KLHL10: variants seen among roughly 807,000 people sequenced by gnomAD.
KLHL10 encodes the protein kelch-like protein 10.
Under a neutral mutation model 46.6 loss-of-function variants are expected in KLHL10, and 11 were observed. The observed-to-expected ratio is 0.24, with a 90% CI of 0.15 to 0.39. The LOEUF (loss-of-function observed/expected upper bound fraction) is 0.39. Ranked by LOEUF, KLHL10 falls within the 10% of genes least tolerant of loss-of-function variation. The pLI, the probability that KLHL10 is intolerant of heterozygous loss-of-function variation, is 1.00. For missense variants in KLHL10, 475 were observed against 789.8 expected (o/e 0.60, Z 4.78); for synonymous variants, 254 against 279.1 (o/e 0.91, Z 0.90).
upstream of KLHL10, chr17:41,836,208 G>A: frequency 1.6e-6 from 2 of 1,243,068 alleles, no homozygotes; most frequent in Non-Finnish European, 2.0e-6. Context: ...TTCGAGGCCT[G>A]GTCGGCGGCT....
intron 2 of KLHL10, among the ~76,000 whole-genome samples, chr17:41,844,462 C>T (rs937369258): frequency 6.6e-6 from 1 of 151,696 alleles, no homozygotes; most frequent in Non-Finnish European, 1.5e-5. Context: ...AAATGCCTGA[C>T]CTCAAGTGAT....
intron 2 of KLHL10, among the ~76,000 whole-genome samples, chr17:41,843,124 T>C (rs1346016853): frequency 7.7e-6 from 1 of 130,628 alleles, no homozygotes; most frequent in Non-Finnish European, 1.6e-5. Flanking sequence ...AGACCCTGTC[T>C]CAAAAAAAAA....
Position 41,847,917 on chromosome 17 carries a change from C to T in KLHL10, c.1453-16C>T. 1 of 1,613,718 alleles carries T rather than the reference C, an allele frequency of 6.2e-7. No individual in the cohort carries two copies. Reference sequence around the variant, plus strand: ...CAATGGTTAGCAGTCAACCGTGTTTCTTTTGCTATCCACAGGTAGGTGGCT... The same window carrying T: ...CAATGGTTAGCAGTCAACCGTGTTTTTTTTGCTATCCACAGGTAGGTGGCT... On this transcript the variant is annotated splice_polypyrimidine_tract_variant and intron_variant, in intron 4 of 4. Transcript: ENST00000293303.
chr17:41,836,276 C>A, upstream of KLHL10: 1 of 1,136,006 alleles, frequency 8.8e-7, no homozygotes, highest in Non-Finnish European at 1.1e-6. Context: ...CCGCCTGGAG[C>A]CCGGGCGGGG....
intron 1 of KLHL10, among the ~76,000 whole-genome samples, chr17:41,840,501 C>A (rs565219254): frequency 6.6e-6 from 1 of 151,804 alleles, no homozygotes; most frequent in Non-Finnish European, 1.5e-5. Context: ...TACAAAAAGC[C>A]GGGCATGGTG....
At chr17:41,846,239 C>T (rs1446736708) in intron 3 of KLHL10, among the ~76,000 whole-genome samples, 1 of 150,174 alleles carries the variant, frequency 6.7e-6, no homozygotes, top group African/African-American at 2.5e-5. Flanking sequence ...AAAAGTAATG[C>T]AGGCTGGGCT....
chr17:41,844,948 G>A (rs1555621134), intron 2 of KLHL10, among the ~76,000 whole-genome samples, 178 bp from the exon 3 acceptor site: 1 of 152,194 alleles, frequency 6.6e-6, no homozygotes, highest in Non-Finnish European at 1.5e-5. Context: ...GCCTCCCAAA[G>A]TGCTGGGATT....
intron 4 of KLHL10, 150 bp from the exon 5 acceptor site, chr17:41,847,783 G>C (rs543582425): frequency 1.7e-4 from 172 of 1,024,996 alleles, no homozygotes; most frequent in Admixed American, 1.1e-3. Context: ...GGGATTACAG[G>C]CGTGAGCCAC....
upstream of KLHL10, chr17:41,835,973 A>T (rs1360792264): frequency 1.3e-5 from 21 of 1,565,904 alleles, no homozygotes; most frequent in Non-Finnish European, 1.8e-5. Flanking sequence ...CCGAGACCCG[A>T]GAGAACCACT....
chr17:41,837,890 G>T lies in KLHL10; in HGVS notation c.-43G>T. The T allele has an allele frequency of 6.2e-7, 1 of 1,611,272 alleles. No individual in the cohort carries two copies. The highest frequency in any genetic ancestry group is 1.1e-5 in the South Asian group (1 of 90,902). On this transcript the variant is annotated 5_prime_UTR_variant, in exon 1 of 5. Transcript: ENST00000293303. ...AAAGGGGCCCCCCACAACCCTCCCC[G>T]ACACCCTAGGAAAGCAGCCTCTCTC...
intron 1 of KLHL10, among the ~76,000 whole-genome samples, chr17:41,838,644 TTG>T (rs1555620441): frequency 1.0e-5 from 1 of 96,990 alleles, no homozygotes; most frequent in Non-Finnish European, 2.1e-5. Context: ...TTTTTTTTTT[TTG>T]TTTGTTTTGT....
intron 3 of KLHL10, among the ~76,000 whole-genome samples, chr17:41,846,639 G>C (rs1314900604): frequency 2.6e-5 from 4 of 152,024 alleles, no homozygotes; most frequent in East Asian, 1.9e-4. Flanking sequence ...TTGAGGTCAG[G>C]AGTTTGAGAC....
rs1555620293 is a variant in KLHL10 at position 41,837,837 on chromosome 17, T to C, written c.-96T>C. On this transcript the variant is annotated 5_prime_UTR_variant, in exon 1 of 5. An upstream open reading frame in the 5' UTR loses its in-frame stop. Coordinates refer to ENST00000293303, the MANE Select transcript of KLHL10 (RefSeq NM_152467.5). The stretch of plus-strand genomic sequence containing the variant: ...CCTGATAGACCCTATACAAAAGATG[T>C]AGTAGGGAAAAGGAGCGACAGCTGG... The C allele has an allele frequency of 3.8e-6, 6 of 1,590,760 alleles. No individual in the cohort carries two copies. Among genetic ancestry groups the C allele is most frequent in the Non-Finnish European group, 3.4e-6 (4 of 1,174,464 alleles).
intron 2 of KLHL10, among the ~76,000 whole-genome samples, chr17:41,844,327 T>C (rs1597938059): frequency 6.9e-6 from 1 of 145,802 alleles, no homozygotes. Flanking sequence ...ACCTCCCCAG[T>C]TCAAGCGAGT....
intron 1 of KLHL10, among the ~76,000 whole-genome samples, chr17:41,838,392 G>A (rs775831119): frequency 5.9e-5 from 9 of 152,110 alleles, no homozygotes; most frequent in Non-Finnish European, 1.3e-4. Context: ...CTCCCAAGTA[G>A]CTAGGTCTAC....
intron 4 of KLHL10, among the ~76,000 whole-genome samples, chr17:41,847,646 C>T (rs1314313023): frequency 6.6e-6 from 1 of 152,064 alleles, no homozygotes; most frequent in Non-Finnish European, 1.5e-5. Flanking sequence ...GCTGGGACTA[C>T]CGGCACCCGC....
At chr17:41,835,892 G>A (rs368420971), upstream of KLHL10, 260 of 1,608,794 alleles carry the variant, frequency 1.6e-4, no homozygotes, top group Non-Finnish European at 2.1e-4. Flanking sequence ...TGCGGAGGGC[G>A]CCCACGATCT....
upstream of KLHL10, chr17:41,837,692 C>A: frequency 2.5e-6 from 3 of 1,219,634 alleles, no homozygotes; most frequent in South Asian, 1.6e-5. Context: ...TGGTTTTCAG[C>A]CTAAGTGGGG....
chr17:41,837,436 G>T, upstream of KLHL10: 1 of 402,388 alleles, frequency 2.5e-6, no homozygotes, highest in Non-Finnish European at 3.4e-6. Flanking sequence ...ACAGGTGTGA[G>T]CCACTGCGCC....
Sources: gnomAD v4.1 joint callset for allele counts (sites outside exome capture counted in the v4.1 genomes callset) on GRCh38, gnomAD v4.1.1 for gene constraint, MANE v1.5 for transcripts, NCBI Gene and HGNC (gene_info 2026-07-23, HGNC 2026-07-21) for gene names.